VIT: variants seen among roughly 807,000 people sequenced by gnomAD.
VIT encodes the protein vitrin.
Under a neutral mutation model 78.0 loss-of-function variants are expected in VIT, and 99 were observed. That is an observed-to-expected ratio of 1.27 (90% CI 1.08 to 1.50). The LOEUF is 1.50. Ranked by LOEUF, VIT falls within the 40% of genes most tolerant of loss-of-function variation. The pLI is 0.00. For synonymous variants in VIT, 374 were observed against 334.3 expected (o/e 1.12, Z -1.29); for missense variants, 1,126 against 875.3 (o/e 1.29, Z -3.61).
Position 36,783,049 on chromosome 2 carries a change from A to C in VIT, c.848-291A>C, listed in dbSNP as rs112654376. Among the ~76,000 whole-genome samples, 521 of 152,360 alleles carry C rather than the reference A, an allele frequency of 3.4e-3. 1 individual carries two copies. Among genetic ancestry groups the C allele is most frequent in the African/African-American group, 0.012 (506 of 41,580 alleles). On this transcript the variant is annotated intron_variant, in intron 10 of 15. Transcript: ENST00000379242. ...CATAATTTACAATGGCCAAGTGCTT[A>C]ACGCTTTCAGATGACAAAACTAAGG...
rs1669493216 is a variant in VIT at position 36,767,292 on chromosome 2, A to T, written c.679+7A>T. Reference sequence around the variant, plus strand: ...CACAGGAGCCAGGAGATGGGTCAGTAGGTAGACCATGTGTTGCTTTGTGCT... The same window carrying T: ...CACAGGAGCCAGGAGATGGGTCAGTTGGTAGACCATGTGTTGCTTTGTGCT... On this transcript the variant is annotated splice_region_variant and intron_variant, in intron 7 of 15. Transcript: ENST00000379242. 1 of 1,541,742 alleles carries T rather than the reference A, an allele frequency of 6.5e-7. No homozygotes were observed. Among genetic ancestry groups the T allele is most frequent in the Non-Finnish European group, 8.7e-7 (1 of 1,144,730 alleles).
chr2:36,753,637 T>A (rs1422271836), intron 4 of VIT, among the ~76,000 whole-genome samples: 1 of 152,140 alleles, frequency 6.6e-6, no homozygotes, highest in African/African-American at 2.4e-5. Flanking sequence ...CTGCCCTTTG[T>A]CAGCAGCACA....
At chr2:36,774,888 G>C (rs1048612146) in intron 8 of VIT, 114 bp from the exon 9 acceptor site, 4 of 1,518,758 alleles carry the variant, frequency 2.6e-6, no homozygotes, top group African/African-American at 1.4e-5. Flanking sequence ...CAGAGAGCTC[G>C]GCCGACTTCC....
intron 2 of VIT, among the ~76,000 whole-genome samples, chr2:36,723,638 G>C (rs1666649725): frequency 6.6e-6 from 1 of 152,086 alleles, no homozygotes; most frequent in Non-Finnish European, 1.5e-5. Context: ...TATTTTAACT[G>C]TCCTGATTGT....
At chr2:36,799,582 G>A (rs79711986) in intron 12 of VIT, among the ~76,000 whole-genome samples, 1 of 152,244 alleles carries the variant, frequency 6.6e-6, no homozygotes, top group East Asian at 1.9e-4. Flanking sequence ...GCTGGGTGTG[G>A]TGGCATGCAC....
chr2:36,787,144 TGTC>T lies in VIT; in HGVS notation c.929_931del (p.Ser310del), dbSNP rs1156519187. On this transcript the variant is annotated inframe_deletion, in exon 12 of 16. Transcript: ENST00000379242. ...CGTTCCGCAGACTGCAAAATTGACTTGTCGTTTTTAATTGATGGGAGCACCAGC... is the reference window on the plus strand; with the variant it reads ...CGTTCCGCAGACTGCAAAATTGACTTGTTTTTAATTGATGGGAGCACCAGC... The T allele has an allele frequency of 1.2e-6, 2 of 1,614,146 alleles. No homozygotes were observed. The highest frequency in any genetic ancestry group is 1.7e-6 in the Non-Finnish European group (2 of 1,180,026).
chr2:36,772,823 T>C (rs1669840306), intron 7 of VIT, among the ~76,000 whole-genome samples: 1 of 152,300 alleles, frequency 6.6e-6, no homozygotes, highest in African/African-American at 2.4e-5. Context: ...CTAAGACAAA[T>C]TGATATTTTT....
At chr2:36,754,239 C>A (rs1217172495) in intron 4 of VIT, among the ~76,000 whole-genome samples, 1 of 152,050 alleles carries the variant, frequency 6.6e-6, no homozygotes, top group East Asian at 1.9e-4. Context: ...ATCTACATCT[C>A]CCGGTGCCAG....
intron 6 of VIT, among the ~76,000 whole-genome samples, chr2:36,764,403 C>A (rs1331638578): frequency 6.6e-6 from 1 of 152,178 alleles, no homozygotes; most frequent in Non-Finnish European, 1.5e-5. Flanking sequence ...GAGGGTAAGA[C>A]GGAGAAGTAC....
rs370008923 is a variant in VIT at position 36,782,041 on chromosome 2, A to G, written c.847+270A>G. 7.2e-5 allele frequency among the ~76,000 whole-genome samples: 11 copies of G among 152,326 alleles called. No individual in the cohort carries two copies. The East Asian group carries it at 1.4e-3, about 19-fold the overall frequency. ...AGAAGGGAGCTAGTTTCCCACCCTC[A>G]AAATGGGTTTGGACCCTGACTCTAT... is the stretch of plus-strand genomic sequence containing the variant. On this transcript the variant is annotated intron_variant, in intron 10 of 15. Coordinates refer to ENST00000379242, the MANE Select transcript of VIT (RefSeq NM_053276.4).
intron 12 of VIT, 38 bp downstream of exon 12, chr2:36,787,314 C>A: frequency 6.3e-7 from 1 of 1,590,452 alleles, no homozygotes; most frequent in South Asian, 1.1e-5. Flanking sequence ...GAAAGGAAGT[C>A]ATGCCATGTG....
chr2:36,787,743 C>G, intron 12 of VIT: 1 of 429,564 alleles, frequency 2.3e-6, no homozygotes, highest in Non-Finnish European at 4.6e-6. Context: ...GCCTAGAGAA[C>G]ATGGTGCTTT....
chr2:36,792,321 A>G (rs1665559939), intron 12 of VIT, among the ~76,000 whole-genome samples: 2 of 152,208 alleles, frequency 1.3e-5, no homozygotes, highest in Admixed American at 1.3e-4. Flanking sequence ...CTCCTCAGGA[A>G]CACAGAGTCT....
intron 1 of VIT, among the ~76,000 whole-genome samples, chr2:36,714,021 G>A (rs1473310739): frequency 1.3e-5 from 2 of 152,220 alleles, no homozygotes; most frequent in Non-Finnish European, 2.9e-5. Context: ...ATTGTAATGT[G>A]ATTTTGTTTT....
At chr2:36,772,214 G>C (rs867201811) in intron 7 of VIT, among the ~76,000 whole-genome samples, 1 of 151,482 alleles carries the variant, frequency 6.6e-6, no homozygotes, top group African/African-American at 2.4e-5. Flanking sequence ...TTCAATACCA[G>C]CCTGGGCAAC....
intron 1 of VIT, among the ~76,000 whole-genome samples, chr2:36,708,164 C>T (rs1481290094): frequency 6.8e-6 from 1 of 148,050 alleles, no homozygotes; most frequent in Non-Finnish European, 1.5e-5. Context: ...ACCAGATCAA[C>T]CCACATCCAC....
chr2:36,810,454 A>G lies in VIT; in HGVS notation c.1903+1469A>G, dbSNP rs1667073736. Among the ~76,000 whole-genome samples, 6 of 152,212 alleles carry G rather than the reference A, an allele frequency of 3.9e-5. No individual in the cohort carries two copies. The South Asian group carries it at 1.2e-3, about 32-fold the overall frequency. On this transcript the variant is annotated intron_variant, in intron 15 of 15. Transcript: ENST00000379242. The stretch of plus-strand genomic sequence containing the variant: ...AATTTATGTATAATCACTGATCCAA[A>G]AAGTGTCATAAGTTATCAAGAACAT...
At chr2:36,768,438 T>A (rs1293131118) in intron 7 of VIT, among the ~76,000 whole-genome samples, 8 of 152,144 alleles carry the variant, frequency 5.3e-5, no homozygotes, top group Non-Finnish European at 1.2e-4. Flanking sequence ...TTTCAATAAA[T>A]AAATAAATAA....
At chr2:36,755,075 A>G (rs372466879) in intron 5 of VIT, 21 bp downstream of exon 5, 5 of 1,604,800 alleles carry the variant, frequency 3.1e-6, no homozygotes, top group Non-Finnish European at 4.3e-6. Context: ...ACACTGGAGA[A>G]ACGCTGCTAA....
Sources: gnomAD v4.1 joint callset for allele counts (sites outside exome capture counted in the v4.1 genomes callset) on GRCh38, gnomAD v4.1.1 for gene constraint, MANE v1.5 for transcripts, NCBI Gene and HGNC (gene_info 2026-07-23, HGNC 2026-07-21) for gene names.